Variants in PMF1 observed in about 807,000 individuals in gnomAD.
PMF1 encodes polyamine-modulated factor 1.
In PMF1, 21 loss-of-function variants were observed where a neutral mutation model predicts 26.7. The ratio of observed to expected loss-of-function variants is 0.79; its 90% CI spans 0.56 to 1.13. PMF1 has a LOEUF of 1.13. PMF1 is among the 50% of genes most tolerant of loss of function. PMF1 has a pLI of 0.00. For synonymous variants in PMF1, 105 were observed against 101.0 expected (o/e 1.04, Z -0.24); for missense variants, 266 against 254.9 (o/e 1.04, Z -0.30).
intron 2 of PMF1, among the ~76,000 whole-genome samples, chr1:156,232,869 T>A (rs542078964): frequency 2.0e-5 from 3 of 151,680 alleles, no homozygotes; most frequent in African/African-American, 7.2e-5. Context: ...TTTTTAAATA[T>A]TTCCCACTTT....
At chr1:156,230,683 A>G (rs1248257190) in intron 1 of PMF1, among the ~76,000 whole-genome samples, 1 of 152,206 alleles carries the variant, frequency 6.6e-6, no homozygotes, top group African/African-American at 2.4e-5. Flanking sequence ...GCCATTGGGA[A>G]TATACTGGAT....
intron 1 of PMF1, among the ~76,000 whole-genome samples, chr1:156,222,346 G>T (rs1658129276): frequency 6.6e-6 from 1 of 152,102 alleles, no homozygotes; most frequent in Non-Finnish European, 1.5e-5. Context: ...CTGGTTTCCA[G>T]AGAAAGGGCT....
At chr1:156,236,581 A>T in intron 4 of PMF1, 98 bp downstream of exon 4, 2 of 1,453,774 alleles carry the variant, frequency 1.4e-6, no homozygotes, top group Non-Finnish European at 1.8e-6. Context: ...GGGGACCCCC[A>T]CAGGGGGTAG....
chr1:156,218,947 G>A (rs1441739921), intron 1 of PMF1, among the ~76,000 whole-genome samples: 3 of 150,026 alleles, frequency 2.0e-5, no homozygotes, highest in African/African-American at 7.4e-5. Context: ...TTGAGACGGA[G>A]TCTCGGTCTG....
At chr1:156,225,354 A>G (rs1406987503) in intron 1 of PMF1, among the ~76,000 whole-genome samples, 1 of 127,404 alleles carries the variant, frequency 7.8e-6, no homozygotes, top group East Asian at 2.5e-4. Context: ...GGTTACATGG[A>G]TAAGTTCTTT....
intron 3 of PMF1, among the ~76,000 whole-genome samples, chr1:156,234,389 G>A (rs1658889508): frequency 6.6e-6 from 1 of 152,172 alleles, no homozygotes; most frequent in South Asian, 2.1e-4. Context: ...GCAGAATCGT[G>A]AGGTTTGGAA....
rs760870581 is a variant in PMF1 at position 156,236,465 on chromosome 1, C to T, written c.546C>T (p.Ala182=). The T allele has an allele frequency of 1.1e-5, 17 of 1,612,378 alleles. No individual in the cohort carries two copies. The highest frequency in any genetic ancestry group is 1.1e-5 in the South Asian group (1 of 90,974). The part of the protein sequence containing the change: ...QVEELQLQVQ[A]QQQAWQALHR... ...AGGAGCTGCAGCTACAGGTCCAGGC[C>T]CAGCAGCAGGCCTGGCAGGTCAGTG... Residue 182 remains alanine, a synonymous_variant, in exon 4 of 5, where the codon GCC becomes GCT. Transcript: ENST00000368277.
At chr1:156,214,252 C>G (rs976829875) in intron 1 of PMF1, among the ~76,000 whole-genome samples, 4 of 152,088 alleles carry the variant, frequency 2.6e-5, no homozygotes, top group African/African-American at 9.7e-5. Context: ...AGAGTTTTGC[C>G]CATGATCCCA....
At chr1:156,236,238 A>G in intron 3 of PMF1, 50 bp from the exon 4 acceptor site, 10 of 1,564,792 alleles carry the variant, frequency 6.4e-6, no homozygotes, top group Non-Finnish European at 8.7e-6. Flanking sequence ...ACCTTCTTCC[A>G]CAAGGGCCTT....
chr1:156,218,652 C>T (rs1009389008), intron 1 of PMF1, among the ~76,000 whole-genome samples: 2 of 151,700 alleles, frequency 1.3e-5, no homozygotes, highest in East Asian at 2.0e-4. Context: ...CATGGTGGCG[C>T]GCACCTGTAG....
At chr1:156,213,978 C>A (rs1657542797) in intron 1 of PMF1, among the ~76,000 whole-genome samples, 1 of 152,192 alleles carries the variant, frequency 6.6e-6, no homozygotes, top group African/African-American at 2.4e-5. Flanking sequence ...GTGGCGCGAT[C>A]TTGGCTCATT....
At chr1:156,228,549 AG>A (rs1658518525) in intron 1 of PMF1, among the ~76,000 whole-genome samples, 1 of 152,046 alleles carries the variant, frequency 6.6e-6, no homozygotes. Context: ...ACCATAAAGG[AG>A]ACCTCAGAAC....
chr1:156,237,836 A>C (rs1659122606), intron 4 of PMF1, among the ~76,000 whole-genome samples: 1 of 152,080 alleles, frequency 6.6e-6, no homozygotes, highest in Non-Finnish European at 1.5e-5. Context: ...GGTTCACTGC[A>C]ACCTCCGCTT....
chr1:156,214,182 A>AG, intron 1 of PMF1, among the ~76,000 whole-genome samples: 1 of 152,078 alleles, frequency 6.6e-6, no homozygotes, highest in African/African-American at 2.4e-5. Flanking sequence ...CCAAAGTACC[A>AG]GGATTACAGG....
intron 1 of PMF1, among the ~76,000 whole-genome samples, chr1:156,230,223 A>G (rs933266301): frequency 2.6e-5 from 4 of 152,224 alleles, no homozygotes; most frequent in Non-Finnish European, 5.9e-5. Flanking sequence ...CCTACAGTAC[A>G]GCATCAGTGT....
At chr1:156,221,871 C>T (rs999149812) in intron 1 of PMF1, among the ~76,000 whole-genome samples, 3 of 152,152 alleles carry the variant, frequency 2.0e-5, no homozygotes, top group African/African-American at 7.2e-5. Context: ...AACTGCCCAC[C>T]CCTGTTGGCT....
chr1:156,232,405 C>A lies in PMF1; in HGVS notation c.247C>A (p.Gln83Lys). ...GCAAATCTATGACAAGTTTATAGCT[C>A]AGTTGCAGACATCTATCCGGGTGAG... ...TQQIYDKFIA[Q>K]LQTSIREEIS... Residue 83 changes from glutamine (Q) to lysine (K), a missense_variant, in exon 2 of 5, where the codon CAG becomes AAG. Physicochemically the swap from Gln to Lys is moderately conservative, Grantham distance 53. Transcript: ENST00000368277. 1 of 1,613,998 alleles carries A rather than the reference C, an allele frequency of 6.2e-7. No individual in the cohort carries two copies. Among genetic ancestry groups the A allele is most frequent in the South Asian group, 1.1e-5 (1 of 91,066 alleles).
intron 1 of PMF1, among the ~76,000 whole-genome samples, chr1:156,218,692 G>T (rs1657911863): frequency 6.6e-6 from 1 of 152,052 alleles, no homozygotes; most frequent in African/African-American, 2.4e-5. Context: ...TGAGGCAGGA[G>T]AATTGCTTGA....
At chr1:156,214,997 C>T (rs1472667469) in intron 1 of PMF1, among the ~76,000 whole-genome samples, 3 of 151,810 alleles carry the variant, frequency 2.0e-5, no homozygotes, top group Non-Finnish European at 4.4e-5. Context: ...CCTCCCTCAG[C>T]CTCCCGAGTA....
Sources: gnomAD v4.1 joint callset for allele counts (sites outside exome capture counted in the v4.1 genomes callset) on GRCh38, gnomAD v4.1.1 for gene constraint, MANE v1.5 for transcripts, NCBI Gene and HGNC (gene_info 2026-07-23, HGNC 2026-07-21) for gene names.